Variants in BIRC6 observed in about 807,000 individuals in gnomAD.
The protein encoded by BIRC6 is dual E2 ubiquitin-conjugating enzyme/E3 ubiquitin-protein ligase BIRC6.
Under a neutral mutation model 503.3 loss-of-function variants are expected in BIRC6, and 98 were observed. The observed-to-expected ratio is 0.19, with a 90% CI of 0.17 to 0.23. The LOEUF (loss-of-function observed/expected upper bound fraction) is 0.23. Among genes scored for constraint, BIRC6 ranks in the 10% least tolerant of loss-of-function variants. The pLI is 1.00. For synonymous variants in BIRC6, 2,240 were observed against 2,078.7 expected (o/e 1.08, Z -2.11); for missense variants, 5,360 against 5,806.0 (o/e 0.92, Z 2.50).
chr2:32,539,134 C>T (rs148982865), intron 61 of BIRC6, among the ~76,000 whole-genome samples: 73 of 152,254 alleles, frequency 4.8e-4, no homozygotes, highest in African/African-American at 1.8e-3. Context: ...CATTAAATCA[C>T]TATGAAAGTA....
chr2:32,389,730 C>T (rs2038963323), intron 4 of BIRC6, among the ~76,000 whole-genome samples: 1 of 152,170 alleles, frequency 6.6e-6, no homozygotes, highest in Non-Finnish European at 1.5e-5. Context: ...GAGTTTCACT[C>T]TTGTCGCCTA....
chr2:32,377,213 A>ATATATATATG (rs150659120), intron 1 of BIRC6, among the ~76,000 whole-genome samples: 1 of 144,152 alleles, frequency 6.9e-6, no homozygotes, highest in African/African-American at 2.6e-5. Flanking sequence ...CTTAATATAT[A>ATATATATATG]TGTGTGTGTG....
At position 32,518,296 on chromosome 2, in the gene BIRC6, C is replaced by G; in HGVS notation, c.11392C>G (p.Leu3798Val). 2 of 1,612,940 alleles carry G rather than the reference C, an allele frequency of 1.2e-6. No individual in the cohort carries two copies. Among genetic ancestry groups the G allele is most frequent in the Non-Finnish European group, 1.7e-6 (2 of 1,179,536 alleles). ...LFQTSPQRGNLPTSGNISGFI... is the reference protein window; with the variant it reads ...LFQTSPQRGNVPTSGNISGFI... Reference sequence around the variant, plus strand: ...TCAGACATCTCCTCAAAGAGGGAACCTTCCAACATCTGGGAACATTTCAGG... The same window carrying G: ...TCAGACATCTCCTCAAAGAGGGAACGTTCCAACATCTGGGAACATTTCAGG... Residue 3798 changes from leucine (L) to valine (V), a missense_variant, in exon 56 of 74, where the codon CTT becomes GTT. By Grantham distance (32) the Leu-to-Val change is conservative. Transcript: ENST00000421745.
In BIRC6 at chr2:32,445,621, A is replaced by T; in HGVS notation, c.4437A>T (p.Arg1479Ser). The change falls in exon 21 of 74, where the codon AGA (arginine) becomes AGT (serine). Residue 1479 changes from arginine (R) to serine (S), a missense_variant. Around this residue, in one of 16 missense-constraint regions of BIRC6, gnomAD observed 2,299 missense variants for 2,267.2 expected, o/e 1.01. Transcript: ENST00000421745. ...CATCTTTGCTTACTGCAGTGTCCAG[A>T]CAGTTACAGGACAGGCTAACACCAA... ...ACASLLTAVS[R>S]QLQDRLTPME... 6.2e-7 allele frequency: 1 copy of T among 1,605,246 alleles called. No individual in the cohort carries two copies. The highest frequency in any genetic ancestry group is 8.5e-7 in the Non-Finnish European group (1 of 1,175,462).
At chr2:32,463,087 A>G (rs2048177779) in intron 23 of BIRC6, 107 bp from the exon 24 acceptor site, 3 of 775,194 alleles carry the variant, frequency 3.9e-6, no homozygotes, top group Admixed American at 3.5e-5. Flanking sequence ...AATTAACTAT[A>G]GTTTTAGCAT....
Position 32,357,501 on chromosome 2 carries a change from CGCCGGGCGGGCGCGAA to C in BIRC6, c.325+22_325+37del, listed in dbSNP as rs761789741. Reference sequence around the variant, plus strand: ...CGCGCTCAGTGGTGAGTCTTCCGCACGCCGGGCGGGCGCGAAGCCGGGGAAAGAAGCCGTCCAGCCC... The same window carrying C: ...CGCGCTCAGTGGTGAGTCTTCCGCACGCCGGGGAAAGAAGCCGTCCAGCCC... On this transcript the variant is annotated intron_variant, in intron 1 of 73. Transcript: ENST00000421745. The surrounding 1 kb of genome is among the most constrained non-coding windows in gnomAD (Gnocchi z 4.9). 1.1e-4 allele frequency: 166 copies of C among 1,537,766 alleles called. 2 individuals carry two copies. In the East Asian group the frequency reaches 4.1e-3, roughly 38 times the overall value.
chr2:32,463,483 ACTGAT>A (rs1432006766), intron 24 of BIRC6, 102 bp downstream of exon 24: 4 of 1,207,330 alleles, frequency 3.3e-6, no homozygotes, highest in African/African-American at 1.6e-5. Context: ...ACGTAGGTTG[ACTGAT>A]CTGAGCTAAT....
At chr2:32,453,212 G>A (rs930948426) in intron 22 of BIRC6, among the ~76,000 whole-genome samples, 2 of 152,040 alleles carry the variant, frequency 1.3e-5, no homozygotes, top group Non-Finnish European at 2.9e-5. Context: ...TGGCTACATG[G>A]TTTTTTCTTT....
At chr2:32,574,115 AG>A (rs2060094238) in intron 65 of BIRC6, among the ~76,000 whole-genome samples, 1 of 151,672 alleles carries the variant, frequency 6.6e-6, no homozygotes, top group African/African-American at 2.4e-5. Context: ...GCAGGTATTA[AG>A]GGTACCAACC....
intron 65 of BIRC6, 130 bp downstream of exon 65, chr2:32,549,611 G>A (rs1208143688): frequency 2.2e-5 from 20 of 901,012 alleles, no homozygotes; most frequent in Non-Finnish European, 2.7e-5. Context: ...GAAATATTTA[G>A]TTGGTTTTTG....
intron 26 of BIRC6, among the ~76,000 whole-genome samples, chr2:32,465,657 C>T (rs1450731467): frequency 6.6e-6 from 1 of 152,156 alleles, no homozygotes; most frequent in Non-Finnish European, 1.5e-5. Flanking sequence ...TAGATGCTTT[C>T]AATCACAACA....
Position 32,442,339 on chromosome 2 carries a change from T to C in BIRC6, c.4122T>C (p.Asn1374=), listed in dbSNP as rs896892981. ...SNGPGSSKEG[N]ENLLSKTRKF... ...TGTTTTGCAGCTCAAAGGAAGGAAA[T>C]GAGAACCTACTTTCAAAAACACGAA... Residue 1374 remains asparagine, a synonymous_variant, in exon 19 of 74, where the codon AAT becomes AAC. Transcript: ENST00000421745. 7 of 1,613,050 alleles carry C rather than the reference T, an allele frequency of 4.3e-6. No homozygotes were observed. The highest frequency in any genetic ancestry group is 1.6e-4 in the Middle Eastern group (1 of 6,084).
rs900548617 is a variant in BIRC6 at position 32,618,863 on chromosome 2, T to A, written c.*959T>A. 4 of 152,598 alleles carry A rather than the reference T, an allele frequency of 2.6e-5. No homozygotes were observed. Among genetic ancestry groups the A allele is most frequent in the Non-Finnish European group, 1.5e-5 (1 of 68,026 alleles). The allele number at this position is 152,598 out of a possible 1,614,324, so 9.5% of individuals were successfully genotyped here. On this transcript the variant is annotated 3_prime_UTR_variant, in exon 74 of 74. Transcript: ENST00000421745. The stretch of plus-strand genomic sequence containing the variant: ...CAAATTCTTCCTAGAGCCAAATAAA[T>A]AAAGACTTAGGTGAATTAGTATGTC...
intron 37 of BIRC6, 82 bp from the exon 38 acceptor site, chr2:32,481,238 A>C (rs750558895): frequency 1.0e-5 from 13 of 1,276,894 alleles, no homozygotes; most frequent in Non-Finnish European, 1.1e-5. Context: ...AAGTAAAATA[A>C]CTTTTTTTAA....
intron 69 of BIRC6, among the ~76,000 whole-genome samples, chr2:32,598,667 C>A (rs1305473076): frequency 6.6e-6 from 1 of 152,180 alleles, no homozygotes; most frequent in Non-Finnish European, 1.5e-5. Context: ...AACATTCTGT[C>A]TTCCATAGAT....
chr2:32,504,475 G>A (rs1047551964), intron 49 of BIRC6, among the ~76,000 whole-genome samples: 6 of 151,666 alleles, frequency 4.0e-5, no homozygotes, highest in South Asian at 2.1e-4. Context: ...AGACTGTCCC[G>A]GCTAACACGG....
chr2:32,478,681 G>T lies in BIRC6; in HGVS notation c.7115G>T (p.Cys2372Phe). ...GCCACGAGGCCAACTATTCATCTGTGTGAGATTGTGAACGAACCCCAGCTG... is the reference window on the plus strand; with the variant it reads ...GCCACGAGGCCAACTATTCATCTGTTTGAGATTGTGAACGAACCCCAGCTG... ...ANATRPTIHL[C>F]EIVNEPQLER... Residue 2372 changes from cysteine to phenylalanine, a missense_variant, in exon 36 of 74, where the codon TGT (cysteine) becomes TTT (phenylalanine). Cys to Phe is a radical substitution (Grantham distance 205). Around this residue, in one of 16 missense-constraint regions of BIRC6, gnomAD observed 2,299 missense variants for 2,267.2 expected, o/e 1.01. Transcript: ENST00000421745. 1 of 1,613,972 alleles carries T rather than the reference G, an allele frequency of 6.2e-7. No individual in the cohort carries two copies.
At position 32,435,568 on chromosome 2, in the gene BIRC6, A is replaced by G; in HGVS notation, c.3482A>G (p.Asp1161Gly). The G allele has an allele frequency of 6.4e-7, 1 of 1,553,722 alleles. No individual in the cohort carries two copies. Among genetic ancestry groups the G allele is most frequent in the South Asian group, 1.2e-5 (1 of 84,078 alleles). Residue 1161 changes from aspartate to glycine, a missense_variant, in exon 14 of 74, where the codon GAT becomes GGT. Around this residue, in one of 16 missense-constraint regions of BIRC6, gnomAD observed 2,299 missense variants for 2,267.2 expected, o/e 1.01. Coordinates refer to ENST00000421745, the MANE Select transcript of BIRC6 (RefSeq NM_016252.4). ...TTGAATGAAGAAATGCAGCACATGG[A>G]TGTAGAGGAATCACAGTGTGAGTTA... ...VDLNEEMQHMDVEESQCLRLC... is the reference protein window; with the variant it reads ...VDLNEEMQHMGVEESQCLRLC...
chr2:32,499,668 A>G lies in BIRC6; in HGVS notation c.8590A>G (p.Thr2864Ala), dbSNP rs755002066. 21 of 1,613,832 alleles carry G rather than the reference A, an allele frequency of 1.3e-5. No individual in the cohort carries two copies. Among genetic ancestry groups the G allele is most frequent in the Non-Finnish European group, 1.4e-5 (17 of 1,179,850 alleles). The part of the protein sequence containing the change: ...STISAVIESV[T>A]FLVHHYITCS... ...TATTTCTGCCGTGATAGAATCGGTT[A>G]CATTTTTAGTGCACCACTATATCAC... Residue 2864 changes from threonine (T) to alanine (A), a missense_variant, in exon 46 of 74, where the codon ACA becomes GCA. Physicochemically the swap from Thr to Ala is moderately conservative, Grantham distance 58. Transcript: ENST00000421745.
Sources: allele counts gnomAD v4.1 joint callset (sites outside exome capture counted in the v4.1 genomes callset), GRCh38; gene constraint gnomAD v4.1.1; regional missense constraint gnomAD v4.1.1; non-coding constraint Gnocchi (gnomAD v3.1); transcripts MANE v1.5; gene names NCBI Gene and HGNC (gene_info 2026-07-23, HGNC 2026-07-21).